The following SLC35F1 variants were observed in gnomAD, a reference collection of about 807,000 sequenced individuals.
SLC35F1 encodes chromosome 6 open reading frame 169.
In SLC35F1, 14 loss-of-function variants were observed where a neutral mutation model predicts 48.7. That is an observed-to-expected ratio of 0.29 (90% confidence interval 0.19 to 0.45). The LOEUF is 0.45. Ranked by LOEUF, SLC35F1 falls within the 20% of genes least tolerant of loss-of-function variation. The pLI, the probability that SLC35F1 is intolerant of heterozygous loss-of-function variation, is 1.00. For synonymous variants in SLC35F1, 190 were observed against 202.2 expected (o/e 0.94, Z 0.51); for missense variants, 404 against 500.0 (o/e 0.81, Z 1.83).
At chr6:118,036,761 A>G (rs1397263312) in intron 1 of SLC35F1, among the ~76,000 whole-genome samples, 1 of 152,066 alleles carries the variant, frequency 6.6e-6, no homozygotes, top group Non-Finnish European at 1.5e-5. Context: ...AAGTCTCACT[A>G]TGTTGCCAAG....
At chr6:118,242,428 T>C (rs1434264596) in intron 3 of SLC35F1, among the ~76,000 whole-genome samples, 1 of 152,074 alleles carries the variant, frequency 6.6e-6, no homozygotes, top group Non-Finnish European at 1.5e-5. Flanking sequence ...AGGAAAAAGA[T>C]GATGAAAGAA....
intron 5 of SLC35F1, among the ~76,000 whole-genome samples, chr6:118,276,696 G>A (rs560935760): frequency 1.7e-4 from 26 of 152,270 alleles, no homozygotes; most frequent in Non-Finnish European, 3.1e-4. Flanking sequence ...TAGATAGATG[G>A]CTTCTTTTAT....
chr6:118,248,236 C>T (rs901099536), intron 3 of SLC35F1, among the ~76,000 whole-genome samples: 3 of 152,174 alleles, frequency 2.0e-5, no homozygotes, highest in Non-Finnish European at 4.4e-5. Flanking sequence ...AAGAACTTTC[C>T]ATTATTTTCA....
At chr6:118,030,962 T>G (rs1443762523) in intron 1 of SLC35F1, among the ~76,000 whole-genome samples, 1 of 152,206 alleles carries the variant, frequency 6.6e-6, no homozygotes, top group Non-Finnish European at 1.5e-5. Flanking sequence ...TTTTAATGAA[T>G]AAACTGTAGT....
intron 1 of SLC35F1, among the ~76,000 whole-genome samples, chr6:118,025,809 A>G (rs754522193): frequency 2.0e-5 from 3 of 152,216 alleles, no homozygotes; most frequent in Non-Finnish European, 4.4e-5. Context: ...TCAAACACAT[A>G]TGAATCACTT....
At chr6:117,945,166 AG>A (rs1482656803) in intron 1 of SLC35F1, among the ~76,000 whole-genome samples, 1 of 152,162 alleles carries the variant, frequency 6.6e-6, no homozygotes, top group East Asian at 1.9e-4. Flanking sequence ...TGGGGCTCCG[AG>A]GGCCAGTGCT....
chr6:118,091,827 G>C (rs1434586459), intron 1 of SLC35F1, among the ~76,000 whole-genome samples: 2 of 152,194 alleles, frequency 1.3e-5, no homozygotes, highest in African/African-American at 4.8e-5. Context: ...GGACAATAAA[G>C]TCTAGGCTAA....
At chr6:118,173,451 C>T (rs963154777) in intron 2 of SLC35F1, among the ~76,000 whole-genome samples, 9 of 151,654 alleles carry the variant, frequency 5.9e-5, no homozygotes, top group African/African-American at 1.2e-4. Context: ...ACATATGGAC[C>T]GGTGAGGCAG....
chr6:117,974,085 C>T (rs1776676714), intron 1 of SLC35F1, among the ~76,000 whole-genome samples: 1 of 152,206 alleles, frequency 6.6e-6, no homozygotes, highest in Non-Finnish European at 1.5e-5. Flanking sequence ...CACTTGTCAG[C>T]TCTTTGGACA....
At position 118,023,256 on chromosome 6, in the gene SLC35F1, C is replaced by T. The variant is rs151092150; in HGVS notation, c.173+115357C>T. On this transcript the variant is annotated intron_variant, in intron 1 of 7. Transcript: ENST00000360388. ...GAGACCAGCTGCATAATTTGCTGGA[C>T]ACAAATGCAAAACGAAAATGCTGAC... Among the ~76,000 whole-genome samples, 823 of 152,212 alleles carry T rather than the reference C, an allele frequency of 5.4e-3. 4 individuals carry two copies. Among genetic ancestry groups the T allele is most frequent in the Non-Finnish European group, 8.3e-3 (562 of 68,008 alleles).
chr6:118,297,458 A>C (rs890061241), intron 7 of SLC35F1, among the ~76,000 whole-genome samples: 1 of 151,968 alleles, frequency 6.6e-6, no homozygotes, highest in Middle Eastern at 3.2e-3. Context: ...GCAGATGGTC[A>C]TCAAGTGTCT....
Position 118,125,348 on chromosome 6 carries a change from G to T in SLC35F1, c.174-29097G>T, listed in dbSNP as rs374904675. ...CAAGTACATAGACAAAATTGTGAAC[G>T]CTTGGTTTTTATTCATTTATGGTAT... is the stretch of plus-strand genomic sequence containing the variant. On this transcript the variant is annotated intron_variant, in intron 1 of 7. Coordinates refer to ENST00000360388, the MANE Select transcript of SLC35F1 (RefSeq NM_001029858.4). Among the ~76,000 whole-genome samples, 49 of 137,772 alleles carry T rather than the reference G, an allele frequency of 3.6e-4. 1 individual carries two copies. In the South Asian group the frequency reaches 9.8e-3, roughly 28 times the overall value. The allele number at this position is 137,772 out of a possible 152,430, so 90.4% of individuals were successfully genotyped here.
intron 1 of SLC35F1, among the ~76,000 whole-genome samples, chr6:117,923,851 CAT>C (rs201981753): frequency 0.043 from 4,559 of 105,640 alleles, 281 homozygotes; most frequent in African/African-American, 0.16. Flanking sequence ...CATATATGCA[CAT>C]ATATATGTGT....
chr6:117,973,949 G>A (rs1776675186), intron 1 of SLC35F1, among the ~76,000 whole-genome samples: 1 of 152,132 alleles, frequency 6.6e-6, no homozygotes, highest in Non-Finnish European at 1.5e-5. Context: ...TCTTGACATT[G>A]CTTTGGGTTT....
intron 1 of SLC35F1, among the ~76,000 whole-genome samples, chr6:118,123,151 T>C (rs1175945951): frequency 6.6e-6 from 1 of 152,154 alleles, no homozygotes; most frequent in Non-Finnish European, 1.5e-5. Context: ...TGTTGTATAA[T>C]AAATACCCAT....
At position 118,277,389 on chromosome 6, in the gene SLC35F1, C is replaced by T. The variant is rs980135676; in HGVS notation, c.795-105C>T. The T allele has an allele frequency of 4.0e-6, 4 of 1,012,632 alleles. No homozygotes were observed. The African/African-American group carries it at 6.5e-5, about 16-fold the overall frequency. The allele number at this position is 1,012,632 out of a possible 1,614,324, so 62.7% of individuals were successfully genotyped here. On this transcript the variant is annotated intron_variant, in intron 5 of 7. Transcript: ENST00000360388. ...ATTCTTTCTGAAATTCATCTGGTTG[C>T]TTCATTATTTGTATACATCTGATAA...
chr6:118,122,475 C>G (rs1429868937), intron 1 of SLC35F1, among the ~76,000 whole-genome samples: 1 of 152,180 alleles, frequency 6.6e-6, no homozygotes, highest in Non-Finnish European at 1.5e-5. Context: ...TATAAGGTAC[C>G]AAGTGCAATT....
chr6:118,258,414 TA>T (rs1340361367), intron 3 of SLC35F1, among the ~76,000 whole-genome samples: 2 of 152,088 alleles, frequency 1.3e-5, no homozygotes, highest in African/African-American at 4.8e-5. Context: ...TGAAACTCCA[TA>T]AAAGTTTGGA....
intron 1 of SLC35F1, among the ~76,000 whole-genome samples, chr6:117,972,470 G>T (rs1460393197): frequency 2.6e-5 from 4 of 152,122 alleles, no homozygotes; most frequent in African/African-American, 9.7e-5. Context: ...TACCATATTA[G>T]TCTGTTCTCA....
Sources: gnomAD v4.1 joint callset for allele counts (sites outside exome capture counted in the v4.1 genomes callset) on GRCh38, gnomAD v4.1.1 for gene constraint, MANE v1.5 for transcripts, NCBI Gene and HGNC (gene_info 2026-07-23, HGNC 2026-07-21) for gene names.